The following CDCA7L variants were observed in gnomAD, a reference collection of about 807,000 sequenced individuals.
CDCA7L encodes the protein cell division cycle associated 7 like.
A neutral mutation model predicts 57.4 loss-of-function variants in CDCA7L; 44 were observed. That is an observed-to-expected ratio of 0.77 (90% CI 0.60 to 0.98). The LOEUF is 0.98. Among genes scored for constraint, CDCA7L ranks in the 50% least tolerant of loss-of-function variants. The probability of loss-of-function intolerance (pLI) is 0.00; values close to 1 mark genes in which losing one functional copy is unlikely to be tolerated. For missense variants in CDCA7L, 644 were observed against 580.6 expected (o/e 1.11, Z -1.12); for synonymous variants, 236 against 202.8 (o/e 1.16, Z -1.39).
intron 2 of CDCA7L, among the ~76,000 whole-genome samples, chr7:21,914,167 T>C (rs372019708): frequency 1.8e-4 from 27 of 152,326 alleles, no homozygotes; most frequent in African/African-American, 6.3e-4. Flanking sequence ...CAATGGCCTG[T>C]TGAACCAGAC....
Position 21,911,855 on chromosome 7 carries a change from G to A in CDCA7L, c.166-101C>T, listed in dbSNP as rs1471666554. On this transcript the variant is annotated intron_variant, in intron 2 of 9. Transcript: ENST00000406877. ...ACTGAACGGGTACAGAGCTTCTGAT[G>A]GAGATGACGAAAATGGATGGACAAC... 2.8e-6 allele frequency: 3 copies of A among 1,066,150 alleles called. No individual in the cohort carries two copies. In the Admixed American group the frequency reaches 7.5e-5, roughly 27 times the overall value. The allele number at this position is 1,066,150 out of a possible 1,614,324, so 66.0% of individuals were successfully genotyped here.
At chr7:21,944,661 A>C (rs915037528) in intron 1 of CDCA7L, 1 of 152,172 alleles carries the variant, frequency 6.6e-6, no homozygotes. Flanking sequence ...AGAAATTACT[A>C]AAAGGCCAAA....
chr7:21,919,453 G>A (rs1785588177), intron 1 of CDCA7L, among the ~76,000 whole-genome samples: 1 of 151,988 alleles, frequency 6.6e-6, no homozygotes, highest in Non-Finnish European at 1.5e-5. Flanking sequence ...CCTCAAATCA[G>A]CCATTTCTCC....
intron 7 of CDCA7L, among the ~76,000 whole-genome samples, chr7:21,904,913 G>A (rs111770710): frequency 6.6e-6 from 1 of 152,340 alleles, no homozygotes; most frequent in African/African-American, 2.4e-5. Context: ...AAAGGTGACA[G>A]GTGACTGAGG....
intron 1 of CDCA7L, among the ~76,000 whole-genome samples, chr7:21,936,943 C>G (rs771611089): frequency 2.1e-4 from 32 of 152,036 alleles, no homozygotes; most frequent in Non-Finnish European, 4.3e-4. Flanking sequence ...GTAGTTAGAG[C>G]TAACAATTAG....
chr7:21,945,361 T>TA (rs59715589), intron 1 of CDCA7L, among the ~76,000 whole-genome samples: 8,102 of 147,502 alleles, frequency 0.055, 697 homozygotes, highest in African/African-American at 0.19. Context: ...GATCGACTGT[T>TA]AAAAAAAAAA....
chr7:21,930,149 C>G (rs1415926923), intron 1 of CDCA7L, among the ~76,000 whole-genome samples: 1 of 152,138 alleles, frequency 6.6e-6, no homozygotes, highest in Non-Finnish European at 1.5e-5. Context: ...AATTGGAACT[C>G]AGGATGAAGA....
intron 1 of CDCA7L, among the ~76,000 whole-genome samples, chr7:21,929,323 A>G (rs114513683): frequency 2.2e-3 from 334 of 152,300 alleles, no homozygotes; most frequent in African/African-American, 7.9e-3. Flanking sequence ...CATGGAAACG[A>G]AAAACTGGTA....
At chr7:21,930,478 C>T (rs891904804) in intron 1 of CDCA7L, among the ~76,000 whole-genome samples, 41 of 151,928 alleles carry the variant, frequency 2.7e-4, no homozygotes, top group African/African-American at 7.7e-4. Flanking sequence ...GGGCAGATCA[C>T]GAGGTCAGGA....
rs1784850951 is a variant in CDCA7L, at chr7:21,901,519, A to AGGTTGCACCACTGCACTCCCT, written c.*782_*802dup. The AGGTTGCACCACTGCACTCCCT allele has an allele frequency of 1.1e-5, 3 of 276,900 alleles. No homozygotes were observed. Among genetic ancestry groups the AGGTTGCACCACTGCACTCCCT allele is most frequent in the Non-Finnish European group, 1.9e-5 (3 of 154,492 alleles). 17.2% of individuals were successfully genotyped at this position (276,900 alleles called of 1,614,324 possible). A position where few individuals can be genotyped will look rare whatever the true frequency, so the allele number is the denominator to read the frequency against. On this transcript the variant is annotated 3_prime_UTR_variant, in exon 10 of 10. Transcript: ENST00000406877. ...AGGAGGCAAAGGTTGCAGTGAGCCG[A>AGGTTGCACCACTGCACTCCCT]GGTTGCACCACTGCACTCCCTCCTG... is the stretch of plus-strand genomic sequence containing the variant.
chr7:21,945,122 T>C (rs1447189838), intron 1 of CDCA7L, among the ~76,000 whole-genome samples: 1 of 152,110 alleles, frequency 6.6e-6, no homozygotes, highest in Non-Finnish European at 1.5e-5. Context: ...TGGGGGAACT[T>C]ACTCAAGTGT....
At position 21,908,448 on chromosome 7, in the gene CDCA7L, T is replaced by C; in HGVS notation, c.363A>G (p.Glu121=). The C allele has an allele frequency of 6.4e-7, 1 of 1,566,026 alleles. No individual in the cohort carries two copies. Among genetic ancestry groups the C allele is most frequent in the Non-Finnish European group, 8.6e-7 (1 of 1,162,998 alleles). Residue 121 remains glutamate, a synonymous_variant, in exon 4 of 10, where the codon GAA becomes GAG. Transcript: ENST00000406877. The part of the protein sequence containing the change: ...GKASLVSEEE[E]DEEEDKATPR... ...GGGTAGCCTTATCTTCTTCTTCATC[T>C]TCCTCTTCCTCGCTCACCAAAGATG...
chr7:21,912,148 G>T (rs139551343), intron 2 of CDCA7L, among the ~76,000 whole-genome samples: 239 of 152,102 alleles, frequency 1.6e-3, no homozygotes, highest in African/African-American at 5.5e-3. Context: ...TGTAGTCCCA[G>T]CTACTTGGGA....
chr7:21,945,851 GC>G lies in CDCA7L; in HGVS notation c.-48del. On this transcript the variant is annotated 5_prime_UTR_variant, in exon 1 of 10. Coordinates refer to ENST00000406877, the MANE Select transcript of CDCA7L (RefSeq NM_018719.5). ...CTCCTCCCAGCACGCGGCCACGGGA[GC>G]CCGGACTCACCACGGCCCGGCGCAC... 1 of 1,575,542 alleles carries G rather than the reference GC, an allele frequency of 6.3e-7. No homozygotes were observed. The highest frequency in any genetic ancestry group is 8.6e-7 in the Non-Finnish European group (1 of 1,163,494).
intron 1 of CDCA7L, among the ~76,000 whole-genome samples, chr7:21,922,293 C>T (rs1785675828): frequency 1.3e-5 from 2 of 152,076 alleles, no homozygotes; most frequent in Non-Finnish European, 2.9e-5. Context: ...TACATTATGC[C>T]AACTCAACAG....
At position 21,906,330 on chromosome 7, in the gene CDCA7L, C is replaced by G. The variant is rs746650414; in HGVS notation, c.880G>C (p.Ala294Pro). 5.8e-5 allele frequency: 94 copies of G among 1,608,984 alleles called. No individual in the cohort carries two copies. The highest frequency in any genetic ancestry group is 7.0e-5 in the Non-Finnish European group (83 of 1,178,274). ...ENFTVSAAKFAEEFYSFRRRK... is the reference protein window; with the variant it reads ...ENFTVSAAKFPEEFYSFRRRK... ...CTTCGGAAGCTGTAAAACTCTTCCG[C>G]AAATTTAGCGGCTGAGACAGTGAAG... The change falls in exon 6 of 10, where the codon GCG (alanine) becomes CCG (proline). Residue 294 changes from alanine (A) to proline (P), a missense_variant. Coordinates refer to ENST00000406877, the MANE Select transcript of CDCA7L (RefSeq NM_018719.5).
intron 7 of CDCA7L, among the ~76,000 whole-genome samples, chr7:21,904,750 C>G (rs1785084313): frequency 6.6e-6 from 1 of 152,192 alleles, no homozygotes; most frequent in African/African-American, 2.4e-5. Flanking sequence ...AGGTTGGGGA[C>G]CACTGCTCTA....
intron 1 of CDCA7L, among the ~76,000 whole-genome samples, chr7:21,932,587 C>A (rs768662758): frequency 5.4e-4 from 83 of 152,326 alleles, no homozygotes; most frequent in Non-Finnish European, 9.4e-4. Flanking sequence ...GCTGGGAAAA[C>A]TGGCTAGCCA....
intron 1 of CDCA7L, among the ~76,000 whole-genome samples, chr7:21,928,129 A>T (rs1238861767): frequency 6.6e-6 from 1 of 152,174 alleles, no homozygotes. Context: ...AACAGGCAGC[A>T]ATCCTTTGCT....
Sources: allele counts gnomAD v4.1 joint callset (sites outside exome capture counted in the v4.1 genomes callset), GRCh38; gene constraint gnomAD v4.1.1; transcripts MANE v1.5; gene names NCBI Gene and HGNC (gene_info 2026-07-23, HGNC 2026-07-21).